CTNNA2: variants seen among roughly 807,000 people sequenced by gnomAD.
CTNNA2 encodes catenin alpha 2, also known as catenin alpha-2.
A neutral mutation model predicts 101.0 loss-of-function variants in CTNNA2; 42 were observed. The observed-to-expected ratio is 0.42, with a 90% CI of 0.32 to 0.54. CTNNA2 has a LOEUF of 0.54. CTNNA2 is among the 20% of genes least tolerant of loss of function. The pLI is 0.14. For missense variants in CTNNA2, 871 were observed against 1,223.1 expected, an observed-to-expected ratio of 0.71 and a Z score of 4.29; for synonymous variants, 450 against 456.4, an observed-to-expected ratio of 0.99 and a Z score of 0.18.
intron 7 of CTNNA2, among the ~76,000 whole-genome samples, chr2:80,088,181 T>C (rs551458060): frequency 6.6e-6 from 1 of 152,142 alleles, no homozygotes; most frequent in East Asian, 1.9e-4. Context: ...AGAAATAAAA[T>C]TCCTGGTTAA....
At chr2:79,523,036 G>A (rs998043141) in intron 1 of CTNNA2, among the ~76,000 whole-genome samples, 3 of 151,858 alleles carry the variant, frequency 2.0e-5, no homozygotes, top group Non-Finnish European at 4.4e-5. Flanking sequence ...ATATAGTGAG[G>A]GTGTTTTCAA....
In CTNNA2 at chr2:79,724,793, C is replaced by T. The variant is rs191987495; in HGVS notation, c.103-19594C>T. The stretch of plus-strand genomic sequence containing the variant: ...TCATGCCACTGCATTCCAGCCGGGG[C>T]GACAGACCAAGACTCCACCTCAAAA... On this transcript the variant is annotated intron_variant, in intron 2 of 18. Transcript: ENST00000402739. Among the ~76,000 whole-genome samples, 564 of 121,780 alleles carry T rather than the reference C, an allele frequency of 4.6e-3. 3 individuals are homozygous for T. Among genetic ancestry groups the T allele is most frequent in the Middle Eastern group, 0.038 (6 of 156 alleles). The allele number at this position is 121,780 out of a possible 152,430, so 79.9% of individuals were successfully genotyped here.
chr2:79,188,904 G>T (rs1352419317), intron 1 of CTNNA2, among the ~76,000 whole-genome samples: 1 of 152,176 alleles, frequency 6.6e-6, no homozygotes, highest in Non-Finnish European at 1.5e-5. Context: ...TTATTTATTT[G>T]ATTAAAGTAG....
At chr2:79,208,636 G>C (rs959828067) in intron 2 of CTNNA2, among the ~76,000 whole-genome samples, 3 of 152,124 alleles carry the variant, frequency 2.0e-5, no homozygotes, top group Non-Finnish European at 2.9e-5. Context: ...TCTTCAAGCT[G>C]AATCTTGGCT....
At chr2:80,037,373 C>A (rs1695733569) in intron 7 of CTNNA2, among the ~76,000 whole-genome samples, 1 of 152,114 alleles carries the variant, frequency 6.6e-6, no homozygotes, top group South Asian at 2.1e-4. Context: ...CAGTTCACTA[C>A]TGCAAAAAAA....
intron 7 of CTNNA2, among the ~76,000 whole-genome samples, chr2:80,109,124 A>T (rs887960755): frequency 1.3e-5 from 2 of 152,236 alleles, no homozygotes; most frequent in Non-Finnish European, 2.9e-5. Context: ...TTCCATGAAC[A>T]AAGTGTTTTA....
intron 9 of CTNNA2, among the ~76,000 whole-genome samples, chr2:80,422,360 T>C (rs1680603923): frequency 6.6e-6 from 1 of 152,096 alleles, no homozygotes; most frequent in Admixed American, 6.5e-5. Context: ...ATGAAGATTA[T>C]TACGACTCAA....
intron 9 of CTNNA2, among the ~76,000 whole-genome samples, chr2:80,496,136 A>G (rs1687446268): frequency 6.6e-6 from 1 of 152,068 alleles, no homozygotes. Flanking sequence ...GAGAGAACAT[A>G]GTTCTGATGA....
chr2:79,498,200 TA>T (rs1187202801), intron 4 of CTNNA2: 2 of 152,198 alleles, frequency 1.3e-5, no homozygotes, highest in African/African-American at 4.8e-5. Flanking sequence ...TGGCAGTACT[TA>T]GTTCCACTGG....
At chr2:79,848,477 G>A (rs1299059302) in intron 3 of CTNNA2, among the ~76,000 whole-genome samples, 1 of 152,156 alleles carries the variant, frequency 6.6e-6, no homozygotes, top group Non-Finnish European at 1.5e-5. Flanking sequence ...CATTTGTGAA[G>A]TATGCCATAT....
At chr2:79,212,365 A>T (rs528594713) in intron 2 of CTNNA2, among the ~76,000 whole-genome samples, 8 of 152,336 alleles carry the variant, frequency 5.3e-5, no homozygotes, top group Admixed American at 4.6e-4. Context: ...CCTAATAAAA[A>T]GGAGCGTCTA....
intron 7 of CTNNA2, among the ~76,000 whole-genome samples, chr2:80,240,168 G>A (rs1307885923): frequency 1.3e-5 from 2 of 152,112 alleles, no homozygotes; most frequent in Non-Finnish European, 1.5e-5. Context: ...CTGAGTTCTG[G>A]TTCATCCCAA....
At chr2:79,881,212 G>C (rs935137784) in intron 6 of CTNNA2, among the ~76,000 whole-genome samples, 10 of 152,158 alleles carry the variant, frequency 6.6e-5, no homozygotes, top group African/African-American at 2.4e-4. Context: ...CATTTGCCAA[G>C]GAGTGTTTTA....
intron 7 of CTNNA2, among the ~76,000 whole-genome samples, chr2:79,944,885 AAC>A (rs1025778850): frequency 6.9e-6 from 1 of 144,302 alleles, no homozygotes; most frequent in Middle Eastern, 3.6e-3. Flanking sequence ...ACAGTTTATG[AAC>A]ACATGTTTCA....
intron 1 of CTNNA2, among the ~76,000 whole-genome samples, chr2:79,539,178 A>T (rs968948773): frequency 7.2e-5 from 11 of 152,208 alleles, no homozygotes; most frequent in African/African-American, 2.4e-4. Flanking sequence ...TTGTGCTGTT[A>T]TTAAAAAACA....
chr2:80,308,152 T>C (rs780802530), intron 7 of CTNNA2, among the ~76,000 whole-genome samples: 3 of 151,810 alleles, frequency 2.0e-5, no homozygotes, highest in Non-Finnish European at 4.4e-5. Flanking sequence ...GGGAGTAACA[T>C]ACAATTTTTT....
At chr2:79,375,708 A>C (rs896209068) in intron 4 of CTNNA2, among the ~76,000 whole-genome samples, 1 of 152,186 alleles carries the variant, frequency 6.6e-6, no homozygotes, top group African/African-American at 2.4e-5. Context: ...GGTGCTTTTG[A>C]GTATGTCAGT....
chr2:80,153,511 C>T (rs1703827933), intron 7 of CTNNA2, among the ~76,000 whole-genome samples: 1 of 152,216 alleles, frequency 6.6e-6, no homozygotes, highest in South Asian at 2.1e-4. Flanking sequence ...AAGGAAGGAT[C>T]TGGCTTTTCC....
chr2:80,144,744 A>C (rs1703226354), intron 7 of CTNNA2, among the ~76,000 whole-genome samples: 1 of 152,204 alleles, frequency 6.6e-6, no homozygotes, highest in Non-Finnish European at 1.5e-5. Flanking sequence ...CACAATCTTC[A>C]TTAACTGCAT....
Sources: gnomAD v4.1 joint callset for allele counts (sites outside exome capture counted in the v4.1 genomes callset) on GRCh38, gnomAD v4.1.1 for gene constraint, MANE v1.5 for transcripts, NCBI Gene and HGNC (gene_info 2026-07-23, HGNC 2026-07-21) for gene names.